Variants in PAH observed in about 807,000 individuals in gnomAD.
PAH encodes the protein phenylalanine-4-hydroxylase.
Under a neutral mutation model 62.0 loss-of-function variants are expected in PAH, and 64 were observed. The observed-to-expected ratio is 1.03, with a 90% CI of 0.84 to 1.27. The LOEUF (loss-of-function observed/expected upper bound fraction) is 1.27. Among genes scored for constraint, PAH ranks in the 50% most tolerant of loss-of-function variants. The pLI is 0.00. For synonymous variants in PAH, 195 were observed against 196.2 expected, an observed-to-expected ratio of 0.99 and a Z score of 0.05; for missense variants, 579 against 542.8, an observed-to-expected ratio of 1.07 and a Z score of -0.66.
intron 1 of PAH, among the ~76,000 whole-genome samples, chr12:102,923,132 T>A (rs1219886213): frequency 1.3e-5 from 2 of 152,158 alleles, no homozygotes; most frequent in Non-Finnish European, 2.9e-5. Flanking sequence ...AATCAAGAGG[T>A]CTGCTGAGTC....
At chr12:102,875,694 A>T (rs573449127) in intron 4 of PAH, among the ~76,000 whole-genome samples, 1 of 152,244 alleles carries the variant, frequency 6.6e-6, no homozygotes, top group African/African-American at 2.4e-5. Context: ...GGGGAGAGAG[A>T]GTATTTAAGT....
chr12:102,943,862 A>T (rs1283280192), intron 1 of PAH, among the ~76,000 whole-genome samples: 1 of 152,152 alleles, frequency 6.6e-6, no homozygotes, highest in Admixed American at 6.5e-5. Context: ...AGAACAATAG[A>T]TACTGAGTCC....
intron 4 of PAH, among the ~76,000 whole-genome samples, chr12:102,873,184 TC>T (rs1876426945): frequency 1.3e-5 from 2 of 152,214 alleles, no homozygotes; most frequent in Non-Finnish European, 2.9e-5. Context: ...ATCTGTCCTC[TC>T]TCCTTTGTTC....
intron 4 of PAH, among the ~76,000 whole-genome samples, chr12:102,867,845 C>G (rs1034608249): frequency 2.9e-5 from 3 of 103,184 alleles, no homozygotes; most frequent in Admixed American, 1.1e-4. Context: ...CCCCCTCTCT[C>G]TCTCTATGTA....
intron 5 of PAH, among the ~76,000 whole-genome samples, chr12:102,859,575 T>C (rs1413192981): frequency 1.3e-5 from 2 of 152,160 alleles, no homozygotes; most frequent in Non-Finnish European, 2.9e-5. Flanking sequence ...AAATCCTCAA[T>C]AAAATACTGG....
rs558934665 is a variant in PAH at position 102,853,474 on chromosome 12, A to G, written c.707-524T>C. 14 of 198,768 alleles carry G rather than the reference A, an allele frequency of 7.0e-5. No homozygotes were observed. In the South Asian group the frequency reaches 1.3e-3, roughly 18 times the overall value. 12.3% of individuals were successfully genotyped at this position (198,768 alleles called of 1,614,324 possible). ...GAGCATTTGGGAAGAGAATATGAAT[A>G]TTGTCAATTTAACTCTTTCTGTACT... On this transcript the variant is annotated intron_variant, in intron 6 of 12. Transcript: ENST00000553106.
intron 3 of PAH, among the ~76,000 whole-genome samples, chr12:102,882,966 G>A (rs1876884620): frequency 6.6e-6 from 1 of 152,008 alleles, no homozygotes; most frequent in African/African-American, 2.4e-5. Flanking sequence ...GATGATTAAA[G>A]GAGGAGGAGG....
intron 11 of PAH, 69 bp from the exon 12 acceptor site, chr12:102,840,584 A>C: frequency 2.8e-6 from 3 of 1,088,910 alleles, no homozygotes; most frequent in Non-Finnish European, 4.3e-6. Flanking sequence ...GAGAGTTCTC[A>C]GTGGCATTTT....
intron 5 of PAH, among the ~76,000 whole-genome samples, chr12:102,866,260 A>G (rs1372618488): frequency 6.6e-6 from 1 of 152,138 alleles, no homozygotes; most frequent in East Asian, 1.9e-4. Flanking sequence ...TAATGTAGAG[A>G]AGACCGGAGG....
At chr12:102,841,926 G>A (rs553781503) in intron 11 of PAH, among the ~76,000 whole-genome samples, 7 of 152,202 alleles carry the variant, frequency 4.6e-5, no homozygotes, top group Non-Finnish European at 1.0e-4. Flanking sequence ...AACTCCAAGT[G>A]GTTAGAATTG....
At chr12:102,863,328 A>C (rs1277316699) in intron 5 of PAH, among the ~76,000 whole-genome samples, 1 of 152,184 alleles carries the variant, frequency 6.6e-6, no homozygotes, top group Non-Finnish European at 1.5e-5. Flanking sequence ...CATCCTGAGC[A>C]CCAAGATGTT....
chr12:102,865,745 T>A lies in PAH; in HGVS notation c.509+851A>T, dbSNP rs936307077. ...CCAAAAGTCATTCAGAAAAGCTTTCTCTCTCTTTTTCCGGAGGTTTTTCCA... is the reference window on the plus strand; with the variant it reads ...CCAAAAGTCATTCAGAAAAGCTTTCACTCTCTTTTTCCGGAGGTTTTTCCA... On this transcript the variant is annotated intron_variant, in intron 5 of 12. Transcript: ENST00000553106. Among the ~76,000 whole-genome samples the A allele has an allele frequency of 2.0e-4, 31 of 152,320 alleles. 1 individual carries two copies. Among genetic ancestry groups the A allele is most frequent in the African/African-American group, 7.2e-4 (30 of 41,572 alleles).
intron 1 of PAH, among the ~76,000 whole-genome samples, chr12:102,926,376 A>T (rs1878683230): frequency 6.6e-6 from 1 of 151,632 alleles, no homozygotes; most frequent in Admixed American, 6.6e-5. Context: ...ATATGAGTAA[A>T]TGGGACTTTT....
intron 4 of PAH, 88 bp downstream of exon 4, chr12:102,877,374 C>T (rs1876612036): frequency 1.0e-6 from 1 of 960,494 alleles, no homozygotes; most frequent in Admixed American, 1.7e-5. Flanking sequence ...TGAACAAGTA[C>T]ATTGCTCCAA....
intron 4 of PAH, among the ~76,000 whole-genome samples, chr12:102,873,218 TC>T (rs1466713022): frequency 6.6e-6 from 1 of 152,134 alleles, no homozygotes; most frequent in Non-Finnish European, 1.5e-5. Flanking sequence ...TAAACTATTT[TC>T]CCCCATCTTC....
intron 1 of PAH, among the ~76,000 whole-genome samples, chr12:102,927,720 A>C (rs1349202328): frequency 1.3e-5 from 2 of 152,206 alleles, no homozygotes; most frequent in African/African-American, 2.4e-5. Flanking sequence ...GCTATGAATA[A>C]TTACTGATAA....
chr12:102,945,085 C>T (rs1483289821), intron 1 of PAH: 1 of 152,222 alleles, frequency 6.6e-6, no homozygotes, highest in Non-Finnish European at 1.5e-5. Context: ...CAGGCAGAGA[C>T]TCTTGTTTTT....
intron 4 of PAH, among the ~76,000 whole-genome samples, chr12:102,873,983 G>A (rs1005291514): frequency 6.6e-6 from 1 of 152,134 alleles, no homozygotes. Context: ...TATATCTTGT[G>A]CCTCCCATGA....
In PAH at chr12:102,864,502, C is replaced by A. The variant is rs552298689; in HGVS notation, c.509+2094G>T. 2.0e-5 allele frequency among the ~76,000 whole-genome samples: 3 copies of A among 152,266 alleles called. No homozygotes were observed. The East Asian group carries it at 5.8e-4, about 29-fold the overall frequency. ...AATCTCAATTCTAACCCTGCCGCTT[C>A]CTAACTGAGTGAGACCTTGGTCAAT... is the stretch of plus-strand genomic sequence containing the variant. On this transcript the variant is annotated intron_variant, in intron 5 of 12. Transcript: ENST00000553106.
Sources: gnomAD v4.1 joint callset for allele counts (sites outside exome capture counted in the v4.1 genomes callset) on GRCh38, gnomAD v4.1.1 for gene constraint, MANE v1.5 for transcripts, NCBI Gene and HGNC (gene_info 2026-07-23, HGNC 2026-07-21) for gene names.